PSMA1: variants seen among roughly 807,000 people sequenced by gnomAD.
PSMA1 encodes proteasome 20S subunit alpha 1.
PSMA1 carries 3 observed loss-of-function variants against 38.4 expected under a neutral mutation model. The ratio of observed to expected loss-of-function variants is 0.08; its 90% CI spans 0.04 to 0.20. PSMA1 has a LOEUF of 0.20. PSMA1 is among the 10% of genes least tolerant of loss of function. The pLI, the probability that PSMA1 is intolerant of heterozygous loss-of-function variation, is 1.00. For synonymous variants in PSMA1, 101 were observed against 107.1 expected (o/e 0.94, Z 0.35); for missense variants, 227 against 325.3 (o/e 0.70, Z 2.32).
At chr11:14,526,499 A>G (rs929696868) in intron 2 of PSMA1, among the ~76,000 whole-genome samples, 2 of 152,160 alleles carry the variant, frequency 1.3e-5, no homozygotes. Context: ...CGCTGCCCTA[A>G]TACTTTTAGA....
chr11:14,620,986 C>G (rs1389149449), intron 1 of PSMA1, among the ~76,000 whole-genome samples: 1 of 152,114 alleles, frequency 6.6e-6, no homozygotes, highest in Non-Finnish European at 1.5e-5. Flanking sequence ...AAAAAATATT[C>G]TTTTTTCTTC....
chr11:14,581,327 GC>G (rs1852279908), intron 2 of PSMA1, among the ~76,000 whole-genome samples: 1 of 152,148 alleles, frequency 6.6e-6, no homozygotes, highest in African/African-American at 2.4e-5. Context: ...GAATCAGTTG[GC>G]TCAAGCAGCA....
intron 2 of PSMA1, among the ~76,000 whole-genome samples, chr11:14,584,463 T>C (rs1241893322): frequency 6.6e-6 from 1 of 151,964 alleles, no homozygotes; most frequent in Non-Finnish European, 1.5e-5. Context: ...TGTCAGTTAA[T>C]AGGCTATGTG....
At chr11:14,548,499 T>C (rs1017344574) in intron 2 of PSMA1, among the ~76,000 whole-genome samples, 3 of 152,218 alleles carry the variant, frequency 2.0e-5, no homozygotes, top group African/African-American at 7.2e-5. Flanking sequence ...GTAGTGTCTA[T>C]ATGTATAGAT....
intron 2 of PSMA1, among the ~76,000 whole-genome samples, chr11:14,535,694 C>T (rs1264699692): frequency 6.6e-6 from 1 of 152,072 alleles, no homozygotes; most frequent in East Asian, 1.9e-4. Flanking sequence ...ATGCGCCCAC[C>T]TCGGCCTCCC....
At chr11:14,595,045 G>C (rs1401775404) in intron 2 of PSMA1, among the ~76,000 whole-genome samples, 5 of 152,048 alleles carry the variant, frequency 3.3e-5, no homozygotes, top group African/African-American at 1.2e-4. Flanking sequence ...TGCTGAGAAT[G>C]GTTTCCAGCT....
At chr11:14,521,335 A>T (rs1851526497), upstream of PSMA1, among the ~76,000 whole-genome samples, 1 of 148,650 alleles carries the variant, frequency 6.7e-6, no homozygotes, top group Non-Finnish European at 1.5e-5. Context: ...TAAGAATAAT[A>T]AAAAAAAAAG....
intron 2 of PSMA1, among the ~76,000 whole-genome samples, chr11:14,573,421 A>G (rs1004502035): frequency 6.6e-5 from 10 of 152,252 alleles, no homozygotes; most frequent in African/African-American, 1.9e-4. Flanking sequence ...CCACATGATT[A>G]TCTCAATAGA....
At chr11:14,606,124 T>C (rs1852639513) in intron 2 of PSMA1, among the ~76,000 whole-genome samples, 1 of 152,258 alleles carries the variant, frequency 6.6e-6, no homozygotes, top group African/African-American at 2.4e-5. Flanking sequence ...GCACAATTTA[T>C]TGAATAGAGA....
At chr11:14,629,929 A>T (rs940438932) in intron 1 of PSMA1, among the ~76,000 whole-genome samples, 1 of 152,072 alleles carries the variant, frequency 6.6e-6, no homozygotes, top group Non-Finnish European at 1.5e-5. Flanking sequence ...TCTTTGAAGC[A>T]ACTGTGAATG....
In PSMA1 at chr11:14,581,830, T is replaced by C. The variant is rs547289068; in HGVS notation, c.21+29136A>G. ...GCTCTGCTTTCTTCTATACGAATTT[T>C]ATTCGCAGGCAGTTTCCTCTTATAG... On this transcript the variant is annotated intron_variant, in intron 2 of 10. Transcript: ENST00000418988. 2.0e-5 allele frequency among the ~76,000 whole-genome samples: 3 copies of C among 152,360 alleles called. No homozygotes were observed. In the East Asian group the frequency reaches 5.8e-4, roughly 29 times the overall value.
chr11:14,606,554 C>T (rs1852645817), intron 2 of PSMA1, among the ~76,000 whole-genome samples: 1 of 152,118 alleles, frequency 6.6e-6, no homozygotes, highest in Admixed American at 6.5e-5. Flanking sequence ...TGCAGGCCTA[C>T]AGGACCAAAC....
chr11:14,527,597 C>T (rs1209981672), intron 2 of PSMA1, among the ~76,000 whole-genome samples: 1 of 152,170 alleles, frequency 6.6e-6, no homozygotes, highest in East Asian at 1.9e-4. Flanking sequence ...TTTGCCCCCG[C>T]CCAGGACTGG....
intron 2 of PSMA1, among the ~76,000 whole-genome samples, chr11:14,590,160 G>A (rs371938933): frequency 1.2e-4 from 19 of 152,324 alleles, no homozygotes; most frequent in African/African-American, 4.3e-4. Context: ...GATAGAGAAA[G>A]TAGAATGTTG....
intron 7 of PSMA1, among the ~76,000 whole-genome samples, chr11:14,512,986 A>G (rs900965028): frequency 3.9e-5 from 6 of 152,214 alleles, no homozygotes; most frequent in African/African-American, 7.2e-5. Flanking sequence ...GCATTCACTA[A>G]ACCCCAAATA....
At chr11:14,600,975 A>T (rs555970214) in intron 2 of PSMA1, among the ~76,000 whole-genome samples, 4 of 152,216 alleles carry the variant, frequency 2.6e-5, no homozygotes, top group Admixed American at 6.5e-5. Context: ...TGTTTTTTTT[A>T]AAACCAAATA....
chr11:14,599,468 C>A (rs1327776784), intron 2 of PSMA1, among the ~76,000 whole-genome samples: 1 of 152,124 alleles, frequency 6.6e-6, no homozygotes, highest in Admixed American at 6.6e-5. Context: ...ATCTTGTTTT[C>A]TCACTTTATT....
chr11:14,562,549 C>T (rs1852021705), intron 2 of PSMA1, among the ~76,000 whole-genome samples: 1 of 152,016 alleles, frequency 6.6e-6, no homozygotes, highest in Non-Finnish European at 1.5e-5. Context: ...TATAACAGTA[C>T]AATATTTTTA....
At chr11:14,513,539 A>G (rs1317103344) in intron 7 of PSMA1, 31 bp downstream of exon 7, 2 of 1,362,182 alleles carry the variant, frequency 1.5e-6, no homozygotes, top group African/African-American at 3.0e-5. Context: ...AGGCAAAAAA[A>G]AAAAAAAAAA....
Sources: allele counts gnomAD v4.1 joint callset (sites outside exome capture counted in the v4.1 genomes callset), GRCh38; gene constraint gnomAD v4.1.1; transcripts MANE v1.5; gene names NCBI Gene and HGNC (gene_info 2026-07-23, HGNC 2026-07-21).